Variants in GRID2 observed in about 807,000 individuals in gnomAD.
GRID2 encodes the protein glutamate ionotropic receptor delta type subunit 2, also known as glutamate receptor ionotropic, delta-2.
In GRID2, 33 loss-of-function variants were observed where a neutral mutation model predicts 114.8. The ratio of observed to expected loss-of-function variants is 0.29; its 90% CI spans 0.22 to 0.38. The LOEUF is 0.38. Among genes scored for constraint, GRID2 ranks in the 10% least tolerant of loss-of-function variants. GRID2 has a pLI of 1.00. For missense variants in GRID2, 1,184 were observed against 1,257.7 expected (o/e 0.94, Z 0.89); for synonymous variants, 505 against 449.9 (o/e 1.12, Z -1.55).
At chr4:92,635,599 T>G (rs1731029554) in intron 2 of GRID2, among the ~76,000 whole-genome samples, 2 of 152,124 alleles carry the variant, frequency 1.3e-5, no homozygotes, top group Non-Finnish European at 2.9e-5. Flanking sequence ...TGGAATTCAC[T>G]CTATACCTTT....
intron 2 of GRID2, among the ~76,000 whole-genome samples, chr4:92,835,490 A>C (rs1317134020): frequency 1.3e-5 from 2 of 152,160 alleles, no homozygotes; most frequent in African/African-American, 4.8e-5. Flanking sequence ...GATAATGCTT[A>C]TGCTGTTTCT....
intron 14 of GRID2, among the ~76,000 whole-genome samples, chr4:93,756,812 G>A (rs1732790129): frequency 6.6e-6 from 1 of 152,190 alleles, no homozygotes; most frequent in African/African-American, 2.4e-5. Context: ...TATTTATTGA[G>A]TGAATACAGA....
At chr4:93,438,798 C>T (rs1460759637) in intron 10 of GRID2, among the ~76,000 whole-genome samples, 1 of 151,928 alleles carries the variant, frequency 6.6e-6, no homozygotes, top group Non-Finnish European at 1.5e-5. Context: ...TGTCATTTAG[C>T]ATTAGGTATA....
At chr4:92,598,481 G>T (rs140075777) in intron 2 of GRID2, among the ~76,000 whole-genome samples, 1 of 152,026 alleles carries the variant, frequency 6.6e-6, no homozygotes, top group Admixed American at 6.6e-5. Flanking sequence ...CAAAATGTCT[G>T]CATTTAGTTC....
chr4:92,310,203 C>T (rs1056125346), intron 1 of GRID2, among the ~76,000 whole-genome samples: 2 of 151,986 alleles, frequency 1.3e-5, no homozygotes, highest in African/African-American at 4.8e-5. Context: ...AAACTCATAA[C>T]TATTCTCACA....
At chr4:92,635,602 ATACCTT>A (rs1473038960) in intron 2 of GRID2, among the ~76,000 whole-genome samples, 2 of 152,072 alleles carry the variant, frequency 1.3e-5, no homozygotes, top group African/African-American at 4.8e-5. Context: ...AATTCACTCT[ATACCTT>A]TAGGAAAGAA....
intron 4 of GRID2, among the ~76,000 whole-genome samples, chr4:93,203,215 T>G (rs1742298251): frequency 1.3e-5 from 2 of 152,188 alleles, no homozygotes; most frequent in Non-Finnish European, 2.9e-5. Flanking sequence ...TGGTTATGCA[T>G]GAAGATGTTA....
At chr4:93,805,544 ACACT>A (rs1341483141) in intron 1 of GRID2, among the ~76,000 whole-genome samples, 7 of 152,214 alleles carry the variant, frequency 4.6e-5, no homozygotes, top group Admixed American at 6.5e-5. Context: ...ACAATTAGAA[ACACT>A]CAGTCTTCTC....
chr4:93,445,242 A>G (rs1324490258), intron 10 of GRID2, among the ~76,000 whole-genome samples: 1 of 152,020 alleles, frequency 6.6e-6, no homozygotes, highest in South Asian at 2.1e-4. Context: ...ACAGAGCAAC[A>G]AGAGAAAATA....
chr4:93,434,265 G>T (rs1720853236), intron 10 of GRID2, among the ~76,000 whole-genome samples: 1 of 152,108 alleles, frequency 6.6e-6, no homozygotes, highest in South Asian at 2.1e-4. Flanking sequence ...GATAGGATTT[G>T]CTGTGGGGAA....
chr4:93,092,484 C>T (rs755918339), intron 3 of GRID2, among the ~76,000 whole-genome samples: 9 of 152,060 alleles, frequency 5.9e-5, no homozygotes, highest in Non-Finnish European at 1.3e-4. Flanking sequence ...CAACTTTCAG[C>T]AGGAATCACA....
intron 2 of GRID2, among the ~76,000 whole-genome samples, chr4:92,912,976 T>C (rs567136107): frequency 6.6e-6 from 1 of 151,848 alleles, no homozygotes; most frequent in Admixed American, 6.6e-5. Context: ...TATAGAAGAT[T>C]TGTTTTACTT....
chr4:93,493,429 A>T (rs1353960631), intron 12 of GRID2, among the ~76,000 whole-genome samples: 1 of 151,866 alleles, frequency 6.6e-6, no homozygotes, highest in African/African-American at 2.4e-5. Context: ...ATGGATGAAG[A>T]AACAGAGTTT....
At chr4:93,159,219 A>G (rs899209545) in intron 4 of GRID2, among the ~76,000 whole-genome samples, 5 of 151,810 alleles carry the variant, frequency 3.3e-5, no homozygotes, top group Non-Finnish European at 7.4e-5. Context: ...TGGTCAAATT[A>G]CTAAAGAATC....
At chr4:93,259,727 T>C (rs192185573) in intron 8 of GRID2, among the ~76,000 whole-genome samples, 1 of 151,944 alleles carries the variant, frequency 6.6e-6, no homozygotes, top group South Asian at 2.1e-4. Context: ...CTATGTTTTT[T>C]CAATTCATTT....
chr4:93,097,438 A>T (rs1055563905), intron 3 of GRID2, among the ~76,000 whole-genome samples: 12 of 151,944 alleles, frequency 7.9e-5, no homozygotes, highest in Non-Finnish European at 1.8e-4. Flanking sequence ...GAGTCATAAA[A>T]AAAAGGTGAG....
intron 9 of GRID2, among the ~76,000 whole-genome samples, chr4:93,402,663 G>A (rs917625683): frequency 1.1e-4 from 16 of 152,018 alleles, no homozygotes; most frequent in African/African-American, 3.9e-4. Flanking sequence ...TTCTGCCAGT[G>A]AAGCTGGTAC....
chr4:93,024,819 A>G (rs1033038933), intron 2 of GRID2, among the ~76,000 whole-genome samples: 10 of 151,798 alleles, frequency 6.6e-5, no homozygotes, highest in Admixed American at 5.3e-4. Context: ...AAAATTATAA[A>G]GATTACATTA....
chr4:92,442,265 G>A (rs1184436497), intron 1 of GRID2, among the ~76,000 whole-genome samples: 2 of 152,056 alleles, frequency 1.3e-5, no homozygotes, highest in Admixed American at 1.3e-4. Context: ...GAAGGAGTCA[G>A]ACAGCCTTGC....
Sources: allele counts gnomAD v4.1 joint callset (sites outside exome capture counted in the v4.1 genomes callset), GRCh38; gene constraint gnomAD v4.1.1; transcripts MANE v1.5; gene names NCBI Gene and HGNC (gene_info 2026-07-23, HGNC 2026-07-21).